MICU3: variants seen among roughly 807,000 people sequenced by gnomAD.
MICU3 encodes the protein mitochondrial calcium uptake 3.
Under a neutral mutation model 66.5 loss-of-function variants are expected in MICU3, and 62 were observed. The ratio of observed to expected loss-of-function variants is 0.93; its 90% CI spans 0.76 to 1.15. The LOEUF is 1.15. Among genes scored for constraint, MICU3 ranks in the 50% most tolerant of loss-of-function variants. The pLI, the probability that MICU3 is intolerant of heterozygous loss-of-function variation, is 0.00. For synonymous variants in MICU3, 308 were observed against 240.7 expected (o/e 1.28, Z -2.59); for missense variants, 779 against 664.4 (o/e 1.17, Z -1.90).
rs1258401764 is a variant in MICU3, at chr8:17,104,398, A to AT, written c.993dup (p.Asp332Ter). ...TTGTGATTTTTTTTTAAGCGTGCTG[A>AT]TGACATCACAAGTTTAGTAACAGAT... On this transcript the variant is annotated frameshift_variant, in exon 10 of 15. Transcript: ENST00000318063. LOFTEE classifies it high-confidence loss of function. The AT allele has an allele frequency of 7.1e-7, 1 of 1,400,068 alleles. No individual in the cohort carries two copies. The highest frequency in any genetic ancestry group is 1.4e-5 in the African/African-American group (1 of 68,994). The allele number at this position is 1,400,068 out of a possible 1,614,324, so 86.7% of individuals were successfully genotyped here.
chr8:17,075,523 G>A (rs1158516953), intron 3 of MICU3, among the ~76,000 whole-genome samples: 2 of 152,112 alleles, frequency 1.3e-5, no homozygotes, highest in East Asian at 1.9e-4. Context: ...TGCTACATAC[G>A]AAACCAAGCT....
chr8:17,038,398 G>A (rs545643984), intron 1 of MICU3, among the ~76,000 whole-genome samples: 13 of 152,292 alleles, frequency 8.5e-5, no homozygotes, highest in African/African-American at 2.9e-4. Flanking sequence ...CTGCTGCCAT[G>A]TTAAGACATG....
At chr8:17,055,725 C>T (rs1257682946) in intron 1 of MICU3, among the ~76,000 whole-genome samples, 1 of 152,198 alleles carries the variant, frequency 6.6e-6, no homozygotes, top group Non-Finnish European at 1.5e-5. Flanking sequence ...AAGCAGAGCT[C>T]CTTGATCCCA....
chr8:17,090,560 T>C lies in MICU3; in HGVS notation c.864T>C (p.Tyr288=), dbSNP rs1158335588. Residue 288 remains tyrosine (Y), a synonymous_variant, in exon 8 of 15, where the codon TAT becomes TAC. Coordinates refer to ENST00000318063, the MANE Select transcript of MICU3 (RefSeq NM_181723.3). ...CTCTATGTCAGCGTCTTCAACTTTATGGATACCATTCTCCTACTAATAGTG... is the reference window on the plus strand; with the variant it reads ...CTCTATGTCAGCGTCTTCAACTTTACGGATACCATTCTCCTACTAATAGTG... ...EKRAMLRLQL[Y]GYHSPTNSVL... 1 of 1,611,578 alleles carries C rather than the reference T, an allele frequency of 6.2e-7. No individual in the cohort carries two copies. Among genetic ancestry groups the C allele is most frequent in the Non-Finnish European group, 8.5e-7 (1 of 1,178,574 alleles).
Position 17,091,881 on chromosome 8 carries a change from T to TTGTTTGG in MICU3, c.888+1303_888+1309dup, listed in dbSNP as rs1800101727. ...AGGACTTTATGGGGGTTTTTTTTGT[T>TTGTTTGG]TGTTTGGTGTTTTTTAAGATGGAGT... On this transcript the variant is annotated intron_variant, in intron 8 of 14. Transcript: ENST00000318063. Among the ~76,000 whole-genome samples, 9 of 152,066 alleles carry TTGTTTGG rather than the reference T, an allele frequency of 5.9e-5. No individual in the cohort carries two copies. In the South Asian group the frequency reaches 1.9e-3, roughly 32 times the overall value.
At chr8:17,085,664 C>A (rs1383295256) in intron 6 of MICU3, among the ~76,000 whole-genome samples, 2 of 152,030 alleles carry the variant, frequency 1.3e-5, no homozygotes, top group Non-Finnish European at 2.9e-5. Context: ...CACACAACTC[C>A]TTCCATAGGA....
chr8:17,132,254 T>C, the MICU3 span: 33 of 152,096 alleles, frequency 2.2e-4, no homozygotes, highest in African/African-American at 7.7e-4. Flanking sequence ...AAAAAGGAAA[T>C]ATTCAAAATG....
At position 17,039,609 on chromosome 8, in the gene MICU3, A is replaced by G. The variant is rs544892156; in HGVS notation, c.381+11949A>G. On this transcript the variant is annotated intron_variant, in intron 1 of 14. Transcript: ENST00000318063. ...AATTGATTCTCACATATAATGCTAT[A>G]TATAGGATTATACATACATAATTTG... is the stretch of plus-strand genomic sequence containing the variant. Among the ~76,000 whole-genome samples, 131 of 152,276 alleles carry G rather than the reference A, an allele frequency of 8.6e-4. 1 individual carries two copies. Among genetic ancestry groups the G allele is most frequent in the Non-Finnish European group, 1.2e-3 (79 of 68,016 alleles).
At chr8:17,031,005 T>C (rs996738987) in intron 1 of MICU3, among the ~76,000 whole-genome samples, 3 of 152,226 alleles carry the variant, frequency 2.0e-5, no homozygotes, top group African/African-American at 7.2e-5. Context: ...TTACTGTGAA[T>C]TTAATGTGGT....
rs1300858159 is a variant in MICU3, at chr8:17,104,410, GT to G, written c.1007del (p.Leu336Ter). Reference sequence around the variant, plus strand: ...TTTAAGCGTGCTGATGACATCACAAGTTTAGTAACAGATACTACACTTCTTG... The same window carrying G: ...TTTAAGCGTGCTGATGACATCACAAGTTAGTAACAGATACTACACTTCTTG... ...DLAERADDIT[S>X]LVTDTTLLVH... On this transcript the variant is annotated frameshift_variant, in exon 10 of 15. Coordinates refer to ENST00000318063, the MANE Select transcript of MICU3 (RefSeq NM_181723.3). LOFTEE classifies it high-confidence loss of function. The G allele has an allele frequency of 7.0e-7, 1 of 1,420,550 alleles. No homozygotes were observed. 88.0% of individuals were successfully genotyped at this position (1,420,550 alleles called of 1,614,324 possible). A position where few individuals can be genotyped will look rare whatever the true frequency, so the allele number is the denominator to read the frequency against.
At chr8:17,063,894 A>C (rs962688743) in intron 1 of MICU3, among the ~76,000 whole-genome samples, 190 bp from the exon 2 acceptor site, 2 of 152,170 alleles carry the variant, frequency 1.3e-5, no homozygotes, top group African/African-American at 2.4e-5. Context: ...TTTTTGTAGA[A>C]TCTTTCGAAT....
chr8:17,125,326 T>C (rs1208215783), downstream of MICU3, among the ~76,000 whole-genome samples: 2 of 152,162 alleles, frequency 1.3e-5, no homozygotes, highest in Admixed American at 6.5e-5. Flanking sequence ...TCTTTTATTC[T>C]CTCTGATTAT....
chr8:17,033,878 A>T (rs1812511363), intron 1 of MICU3, among the ~76,000 whole-genome samples: 1 of 152,200 alleles, frequency 6.6e-6, no homozygotes, highest in Non-Finnish European at 1.5e-5. Context: ...GGAAATGATG[A>T]TGTGCAGGGG....
the MICU3 span, among the ~76,000 whole-genome samples, chr8:17,128,806 T>C: frequency 2.0e-5 from 3 of 152,234 alleles, no homozygotes; most frequent in Admixed American, 6.5e-5. Flanking sequence ...GAGTTAAGAA[T>C]AGCTCAAGTA....
At chr8:17,046,395 A>G (rs188034787) in intron 1 of MICU3, among the ~76,000 whole-genome samples, 1 of 152,328 alleles carries the variant, frequency 6.6e-6, no homozygotes, top group African/African-American at 2.4e-5. Context: ...GTCTGAGAGC[A>G]GAGGAAAAAC....
In MICU3 at chr8:17,064,237, G is replaced by C; in HGVS notation, c.535G>C (p.Val179Leu). The C allele has an allele frequency of 1.2e-6, 2 of 1,603,042 alleles. No individual in the cohort carries two copies. Among genetic ancestry groups the C allele is most frequent in the Non-Finnish European group, 8.5e-7 (1 of 1,175,424 alleles). The change falls in exon 2 of 15, where the codon GTT becomes CTT. Residue 179 changes from valine (V) to leucine (L), a missense_variant and splice_region_variant. Transcript: ENST00000318063. ...ILAVTTDEPK[V>L]AKTWKSLSKQ... ...GGCTGTTACAACAGATGAGCCCAAAGGTAAGTACACTTTTGAAATTATCTT... is the reference window on the plus strand; with the variant it reads ...GGCTGTTACAACAGATGAGCCCAAACGTAAGTACACTTTTGAAATTATCTT...
intron 11 of MICU3, 62 bp from the exon 12 acceptor site, chr8:17,114,031 A>T: frequency 9.4e-7 from 1 of 1,062,290 alleles, no homozygotes. Flanking sequence ...TCTTATGTGT[A>T]GATCCTGATT....
At chr8:17,048,859 T>C (rs903612642) in intron 1 of MICU3, among the ~76,000 whole-genome samples, 5 of 152,090 alleles carry the variant, frequency 3.3e-5, no homozygotes, top group Non-Finnish European at 5.9e-5. Flanking sequence ...GCTCAAGTGG[T>C]CCTCCCACCC....
intron 1 of MICU3, among the ~76,000 whole-genome samples, chr8:17,034,002 G>C (rs1812542605): frequency 6.6e-6 from 1 of 152,190 alleles, no homozygotes; most frequent in Admixed American, 6.5e-5. Flanking sequence ...TGCCGTCTAG[G>C]ACTTTGATAG....
Sources: allele counts gnomAD v4.1 joint callset (sites outside exome capture counted in the v4.1 genomes callset), GRCh38; gene constraint gnomAD v4.1.1; transcripts MANE v1.5; gene names NCBI Gene and HGNC (gene_info 2026-07-23, HGNC 2026-07-21).